PTPRN2: variants seen among roughly 807,000 people sequenced by gnomAD.
PTPRN2 encodes the protein protein tyrosine phosphatase receptor type N2, also known as receptor-type tyrosine-protein phosphatase N2.
PTPRN2 carries 74 observed loss-of-function variants against 118.8 expected under a neutral mutation model. The observed-to-expected ratio is 0.62, with a 90% confidence interval of 0.52 to 0.76. PTPRN2 has a LOEUF of 0.76. Among genes scored for constraint, PTPRN2 ranks in the 30% least tolerant of loss-of-function variants. PTPRN2 has a pLI of 0.00. For missense variants in PTPRN2, 1,481 were observed against 1,394.4 expected (o/e 1.06, Z -0.99); for synonymous variants, 641 against 608.0 (o/e 1.05, Z -0.80).
At chr7:157,631,473 CGGATCACGAG>C (rs1803938081) in intron 14 of PTPRN2, among the ~76,000 whole-genome samples, 2 of 151,150 alleles carry the variant, frequency 1.3e-5, no homozygotes, top group South Asian at 4.2e-4. Context: ...CTGAGGCGGG[CGGATCACGAG>C]GTCAGGAGAT....
At chr7:158,132,426 TCATA>T (rs1273478349) in intron 9 of PTPRN2, among the ~76,000 whole-genome samples, 1 of 145,916 alleles carries the variant, frequency 6.9e-6, no homozygotes, top group East Asian at 2.0e-4. Context: ...CGACACACAC[TCATA>T]CACACATACA....
intron 11 of PTPRN2, among the ~76,000 whole-genome samples, chr7:157,994,718 C>A (rs111905729): frequency 2.1e-5 from 1 of 48,306 alleles, no homozygotes; most frequent in African/African-American, 1.6e-4. Context: ...CTAAAATCAA[C>A]GCCGTGTCCC....
intron 3 of PTPRN2, among the ~76,000 whole-genome samples, chr7:158,208,245 A>C (rs2150755119): frequency 1.3e-5 from 2 of 152,330 alleles, no homozygotes; most frequent in Admixed American, 1.3e-4. Flanking sequence ...AAAGGATAAT[A>C]ATGAGAACTT....
At chr7:158,523,740 T>TCTGCCCTGGAGTGGAGG (rs1824486846) in intron 1 of PTPRN2, among the ~76,000 whole-genome samples, 1 of 62,702 alleles carries the variant, frequency 1.6e-5, no homozygotes, top group African/African-American at 8.1e-5. Flanking sequence ...TGGAGTGGAG[T>TCTGCCCTGGAGTGGAGG]CGTCTGCCCT....
chr7:158,327,389 A>ACATGCACG (rs1803719242), intron 2 of PTPRN2, among the ~76,000 whole-genome samples: 1 of 150,348 alleles, frequency 6.7e-6, no homozygotes, highest in Non-Finnish European at 1.5e-5. Context: ...TCACATGCAC[A>ACATGCACG]CACATGCTCA....
rs140559743 is a variant in PTPRN2 at position 158,237,841 on chromosome 7, C to T, written c.278-32568G>A. Among the ~76,000 whole-genome samples the T allele has an allele frequency of 2.5e-3, 380 of 152,212 alleles. 1 individual carries two copies. The highest frequency in any genetic ancestry group is 8.8e-3 in the African/African-American group (367 of 41,504). On this transcript the variant is annotated intron_variant, in intron 3 of 22. Coordinates refer to ENST00000389418, the MANE Select transcript of PTPRN2 (RefSeq NM_002847.5). ...CTGCTCCCCCTCTTTCTGAACACCC[C>T]CCGGCAGACACAGCGCTTACATGGG... is the stretch of plus-strand genomic sequence containing the variant.
chr7:158,349,726 G>A (rs1261716467), intron 2 of PTPRN2, among the ~76,000 whole-genome samples: 2 of 104,182 alleles, frequency 1.9e-5, no homozygotes, highest in African/African-American at 7.9e-5. Context: ...CCACGTCACT[G>A]TGCTCCCTGG....
intron 1 of PTPRN2, among the ~76,000 whole-genome samples, chr7:158,545,632 C>T (rs1826234269): frequency 6.6e-6 from 1 of 152,310 alleles, no homozygotes; most frequent in African/African-American, 2.4e-5. Context: ...AATCACAGAG[C>T]AAGTGACCAG....
At chr7:157,589,333 C>A (rs1221848919) in intron 17 of PTPRN2, among the ~76,000 whole-genome samples, 1 of 152,252 alleles carries the variant, frequency 6.6e-6, no homozygotes, top group Non-Finnish European at 1.5e-5. Context: ...CTTCCCCCAG[C>A]CCCCTTTCCT....
At chr7:158,484,854 G>C (rs1004939146) in intron 2 of PTPRN2, among the ~76,000 whole-genome samples, 3 of 152,214 alleles carry the variant, frequency 2.0e-5, no homozygotes, top group Non-Finnish European at 4.4e-5. Flanking sequence ...CTCTTCAGTG[G>C]AGAAAGGGCT....
intron 6 of PTPRN2, among the ~76,000 whole-genome samples, chr7:158,141,478 G>A (rs577937531): frequency 1.3e-5 from 2 of 152,330 alleles, no homozygotes; most frequent in African/African-American, 2.4e-5. Flanking sequence ...GTCTGGGGCC[G>A]CCTAGACTCG....
chr7:157,602,305 A>G (rs1801716315), intron 16 of PTPRN2, among the ~76,000 whole-genome samples: 1 of 152,270 alleles, frequency 6.6e-6, no homozygotes, highest in Non-Finnish European at 1.5e-5. Flanking sequence ...GGACTGGCTC[A>G]GGCATGTGGA....
chr7:157,829,096 G>A (rs2082737), intron 12 of PTPRN2, among the ~76,000 whole-genome samples: 3,045 of 152,376 alleles, frequency 0.02, 93 homozygotes, highest in African/African-American at 0.068. Context: ...AGCCGGGCGC[G>A]GGATGCTCGT....
Position 158,133,949 on chromosome 7 carries a change from G to T in PTPRN2, c.1284C>A (p.Ser428=). 6 of 1,613,992 alleles carry T rather than the reference G, an allele frequency of 3.7e-6. No homozygotes were observed. The highest frequency in any genetic ancestry group is 4.2e-6 in the Non-Finnish European group (5 of 1,180,036). Residue 428 remains serine (S), a synonymous_variant, in exon 9 of 23, where the codon TCC becomes TCA. Transcript: ENST00000389418. ...ARPLDMERKK[S]EHPESSLSSE... is the part of the protein sequence containing the mutation. ...AAGACAGGGAAGACTCAGGGTGCTC[G>T]GACTTCTTCCTCTCCATGTCGAGGG...
At chr7:158,080,776 C>A (rs1455822426) in intron 11 of PTPRN2, among the ~76,000 whole-genome samples, 2 of 152,178 alleles carry the variant, frequency 1.3e-5, no homozygotes, top group Non-Finnish European at 2.9e-5. Flanking sequence ...GAACCCTGGG[C>A]TCTAAACAGT....
chr7:158,369,070 G>A (rs1053183421), intron 2 of PTPRN2, among the ~76,000 whole-genome samples: 4 of 151,982 alleles, frequency 2.6e-5, no homozygotes, highest in East Asian at 1.9e-4. Flanking sequence ...GCAGAATATC[G>A]TGACAAGACT....
At chr7:158,039,125 T>G (rs1311790112) in intron 11 of PTPRN2, among the ~76,000 whole-genome samples, 1 of 152,224 alleles carries the variant, frequency 6.6e-6, no homozygotes, top group Non-Finnish European at 1.5e-5. Flanking sequence ...AATGCATAAA[T>G]TATACTGTAA....
intron 5 of PTPRN2, among the ~76,000 whole-genome samples, chr7:158,183,953 G>GA (rs936264661): frequency 4.9e-4 from 75 of 151,568 alleles, no homozygotes; most frequent in Admixed American, 9.2e-4. Context: ...CCACTGTCTT[G>GA]AAAAAAAATG....
chr7:158,146,581 C>A lies in PTPRN2; in HGVS notation c.911-8066G>T, dbSNP rs141016125. The stretch of plus-strand genomic sequence containing the variant: ...CTAAAAATACAAAAAATTAGCCAGG[C>A]GTGGTGGCGGGCGCCTGTAGTCCCA... On this transcript the variant is annotated intron_variant, in intron 6 of 22. Transcript: ENST00000389418. 4.3e-3 allele frequency among the ~76,000 whole-genome samples: 650 copies of A among 151,372 alleles called. 14 individuals carry two copies. The East Asian group carries it at 0.058, about 14-fold the overall frequency.
Sources: allele counts gnomAD v4.1 joint callset (sites outside exome capture counted in the v4.1 genomes callset), GRCh38; gene constraint gnomAD v4.1.1; transcripts MANE v1.5; gene names NCBI Gene and HGNC (gene_info 2026-07-23, HGNC 2026-07-21).